Variants in COBL observed in about 807,000 individuals in gnomAD.
COBL encodes the protein protein cordon-bleu.
Under a neutral mutation model 98.8 loss-of-function variants are expected in COBL, and 51 were observed. The ratio of observed to expected loss-of-function variants is 0.52; its 90% CI spans 0.41 to 0.65. COBL has a LOEUF of 0.65. COBL is among the 30% of genes least tolerant of loss of function. The pLI is 0.00. For synonymous variants in COBL, 634 were observed against 651.7 expected, an observed-to-expected ratio of 0.97 and a Z score of 0.41; for missense variants, 1,617 against 1,617.5, an observed-to-expected ratio of 1.00 and a Z score of 0.01.
At chr7:51,103,002 T>C (rs1383028824) in intron 6 of COBL, among the ~76,000 whole-genome samples, 1 of 152,116 alleles carries the variant, frequency 6.6e-6, no homozygotes, top group East Asian at 1.9e-4. Flanking sequence ...GTGCTCAGAG[T>C]GACAACACTC....
intron 1 of COBL, among the ~76,000 whole-genome samples, chr7:51,232,849 T>G (rs571692566): frequency 2.7e-4 from 41 of 152,172 alleles, no homozygotes; most frequent in Non-Finnish European, 5.0e-4. Flanking sequence ...TCAGATATTT[T>G]TATGACTTTC....
intron 1 of COBL, among the ~76,000 whole-genome samples, chr7:51,233,220 C>A (rs1420521383): frequency 6.6e-6 from 1 of 152,228 alleles, no homozygotes; most frequent in Non-Finnish European, 1.5e-5. Flanking sequence ...TCTGCAGAGA[C>A]AGGCTGGCCA....
At chr7:51,207,501 T>C (rs1049107784) in intron 2 of COBL, among the ~76,000 whole-genome samples, 5 of 152,204 alleles carry the variant, frequency 3.3e-5, no homozygotes, top group African/African-American at 1.2e-4. Context: ...ACGGTACTGC[T>C]GCCATCTCGG....
intron 1 of COBL, chr7:51,260,240 C>T (rs1797598318): frequency 5.4e-6 from 3 of 552,302 alleles, no homozygotes; most frequent in Non-Finnish European, 9.5e-6. Flanking sequence ...TCTATCAAGA[C>T]CATATACTAT....
At chr7:51,307,601 G>T (rs767347061) in intron 1 of COBL, among the ~76,000 whole-genome samples, 1 of 152,198 alleles carries the variant, frequency 6.6e-6, no homozygotes, top group Non-Finnish European at 1.5e-5. Flanking sequence ...TGTGAAACAT[G>T]ATGGTAAGCA....
intron 7 of COBL, among the ~76,000 whole-genome samples, chr7:51,076,662 C>T (rs1454679836): frequency 6.6e-6 from 1 of 152,120 alleles, no homozygotes; most frequent in Non-Finnish European, 1.5e-5. Flanking sequence ...GAATTGGATA[C>T]TTGGTCACAA....
At chr7:51,166,912 G>C (rs191223435) in intron 5 of COBL, among the ~76,000 whole-genome samples, 1 of 152,166 alleles carries the variant, frequency 6.6e-6, no homozygotes, top group East Asian at 1.9e-4. Flanking sequence ...ATCCCTTCAT[G>C]ATAAAAATTC....
At position 51,017,438 on chromosome 7, in the gene COBL, T is replaced by C. The variant is rs1357515462; in HGVS notation, c.*113A>G. The stretch of plus-strand genomic sequence containing the variant: ...GAAAATCAACTGTGCGCATTTGGCC[T>C]GTAGACAAGAAAGTAACACCAAAAC... On this transcript the variant is annotated 3_prime_UTR_variant, in exon 13 of 13. Coordinates refer to ENST00000265136, the MANE Select transcript of COBL (RefSeq NM_015198.5). The C allele has an allele frequency of 9.0e-7, 1 of 1,110,568 alleles. No individual in the cohort carries two copies. Among genetic ancestry groups the C allele is most frequent in the African/African-American group, 1.5e-5 (1 of 65,074 alleles). The allele number at this position is 1,110,568 out of a possible 1,614,324, so 68.8% of individuals were successfully genotyped here.
At chr7:51,288,517 C>G (rs909330458) in intron 1 of COBL, among the ~76,000 whole-genome samples, 1 of 151,718 alleles carries the variant, frequency 6.6e-6, no homozygotes, top group African/African-American at 2.4e-5. Flanking sequence ...CTTTGTGAGG[C>G]CGAGGCAGGT....
At chr7:51,172,357 C>A in intron 5 of COBL, 1 of 707,496 alleles carries the variant, frequency 1.4e-6, no homozygotes, top group Non-Finnish European at 2.0e-6. Context: ...AACAAATCAC[C>A]AAACTAAACC....
intron 3 of COBL, 60 bp from the exon 4 acceptor site, chr7:51,191,138 CTT>C: frequency 2.0e-6 from 3 of 1,474,480 alleles, no homozygotes; most frequent in Non-Finnish European, 2.8e-6. Flanking sequence ...GCCTTCAACT[CTT>C]GTGTCAATTT....
intron 5 of COBL, among the ~76,000 whole-genome samples, chr7:51,174,922 C>G (rs7786741): frequency 0.084 from 12,731 of 152,246 alleles, 660 homozygotes; most frequent in African/African-American, 0.13. Context: ...AAGTCGGCAG[C>G]ATTCAGAGTG....
At position 51,096,743 on chromosome 7, in the gene COBL, G is replaced by A. The variant is rs1795307230; in HGVS notation, c.958-11439C>T. Among the ~76,000 whole-genome samples, 7 of 152,040 alleles carry A rather than the reference G, an allele frequency of 4.6e-5. 1 individual carries two copies. Among genetic ancestry groups the A allele is most frequent in the Admixed American group, 4.6e-4 (7 of 15,272 alleles). On this transcript the variant is annotated intron_variant, in intron 6 of 12. Coordinates refer to ENST00000265136, the MANE Select transcript of COBL (RefSeq NM_015198.5). ...ACACACCAACCAATTGGATAACCTA[G>A]AAGAAATGGATAGATTTCTACAAAC...
intron 1 of COBL, among the ~76,000 whole-genome samples, chr7:51,296,428 A>T (rs1185338591): frequency 6.6e-6 from 1 of 151,288 alleles, no homozygotes; most frequent in Non-Finnish European, 1.5e-5. Flanking sequence ...GGCGTGCAAT[A>T]TTTTTTTTTA....
chr7:51,286,499 T>A (rs1028402415), intron 1 of COBL, among the ~76,000 whole-genome samples: 3 of 149,368 alleles, frequency 2.0e-5, no homozygotes, highest in Non-Finnish European at 3.0e-5. Flanking sequence ...CCAAGAAACA[T>A]ATGAAAAAAC....
intron 7 of COBL, among the ~76,000 whole-genome samples, chr7:51,078,926 C>T (rs1237965734): frequency 6.6e-6 from 1 of 152,230 alleles, no homozygotes; most frequent in Non-Finnish European, 1.5e-5. Flanking sequence ...GGCTGGCTTT[C>T]CTCAGAGTGA....
chr7:51,026,446 CG>C, intron 11 of COBL, 99 bp downstream of exon 11: 1 of 1,461,140 alleles, frequency 6.8e-7, no homozygotes, highest in South Asian at 1.3e-5. Context: ...ACCATCCAAT[CG>C]GAAGGACAGA....
chr7:51,190,712 A>G (rs186508931), intron 4 of COBL, 138 bp downstream of exon 4: 2 of 684,560 alleles, frequency 2.9e-6, no homozygotes, highest in Non-Finnish European at 5.0e-6. Flanking sequence ...GCCTACTTCA[A>G]CTTGACTTGC....
intron 7 of COBL, chr7:51,072,384 A>T (rs1792647131): frequency 6.6e-6 from 1 of 152,208 alleles, no homozygotes; most frequent in Admixed American, 6.5e-5. Flanking sequence ...AGGTTGTGTG[A>T]CTGCAGAGGG....
Sources: gnomAD v4.1 joint callset for allele counts (sites outside exome capture counted in the v4.1 genomes callset) on GRCh38, gnomAD v4.1.1 for gene constraint, MANE v1.5 for transcripts, NCBI Gene and HGNC (gene_info 2026-07-23, HGNC 2026-07-21) for gene names.